The following WWOX variants were observed in gnomAD, a reference collection of about 807,000 sequenced individuals.
WWOX encodes the protein WW domain containing oxidoreductase.
A neutral mutation model predicts 46.2 loss-of-function variants in WWOX; 69 were observed. The ratio of observed to expected loss-of-function variants is 1.49; its 90% CI spans 1.23 to 1.82. The LOEUF (loss-of-function observed/expected upper bound fraction) is 1.82. Ranked by LOEUF, WWOX falls within the 40% of genes most tolerant of loss-of-function variation. WWOX has a pLI of 0.00. For missense variants in WWOX, 919 were observed against 542.6 expected, an observed-to-expected ratio of 1.69 and a Z score of -6.89; for synonymous variants, 359 against 202.6, an observed-to-expected ratio of 1.77 and a Z score of -6.56.
intron 8 of WWOX, among the ~76,000 whole-genome samples, chr16:78,815,669 G>A (rs2051310546): frequency 6.6e-6 from 1 of 152,176 alleles, no homozygotes; most frequent in Non-Finnish European, 1.5e-5. Flanking sequence ...CTTCCCCTGG[G>A]TTTTAATCCT....
intron 8 of WWOX, among the ~76,000 whole-genome samples, chr16:78,831,532 C>T (rs900473821): frequency 6.6e-6 from 1 of 152,144 alleles, no homozygotes; most frequent in Non-Finnish European, 1.5e-5. Context: ...TGCCCATGCC[C>T]GGGTGCACAA....
chr16:78,655,878 G>A (rs1280121528), intron 8 of WWOX, among the ~76,000 whole-genome samples: 2 of 152,148 alleles, frequency 1.3e-5, no homozygotes, highest in Admixed American at 1.3e-4. Flanking sequence ...GTCTGTGTGT[G>A]TTCCTTTTCT....
At chr16:79,137,562 A>G (rs983505910) in intron 8 of WWOX, among the ~76,000 whole-genome samples, 1 of 152,060 alleles carries the variant, frequency 6.6e-6, no homozygotes, top group African/African-American at 2.4e-5. Context: ...GAATTTTTAG[A>G]GAGTGTTTGT....
intron 4 of WWOX, among the ~76,000 whole-genome samples, chr16:78,157,177 A>G (rs1042534137): frequency 2.0e-5 from 3 of 152,130 alleles, no homozygotes; most frequent in African/African-American, 7.2e-5. Flanking sequence ...CATTCCGTCC[A>G]AGATCTTCTG....
At chr16:78,945,823 G>C (rs1010580479) in intron 8 of WWOX, among the ~76,000 whole-genome samples, 1 of 152,066 alleles carries the variant, frequency 6.6e-6, no homozygotes, top group East Asian at 1.9e-4. Context: ...AGTTCGTATG[G>C]GTTGAGCATG....
intron 8 of WWOX, among the ~76,000 whole-genome samples, chr16:78,566,560 T>C (rs1015321588): frequency 6.6e-6 from 1 of 152,154 alleles, no homozygotes; most frequent in Non-Finnish European, 1.5e-5. Context: ...AGGCTGTCTG[T>C]GCTGAGGCTG....
chr16:78,386,282 T>C (rs1025511213), intron 5 of WWOX, among the ~76,000 whole-genome samples: 1 of 152,208 alleles, frequency 6.6e-6, no homozygotes, highest in African/African-American at 2.4e-5. Flanking sequence ...ATCACCAGCA[T>C]GTATTCCACC....
intron 8 of WWOX, among the ~76,000 whole-genome samples, chr16:78,597,355 T>G (rs1328269363): frequency 6.6e-6 from 1 of 152,160 alleles, no homozygotes; most frequent in Admixed American, 6.5e-5. Flanking sequence ...GCACTGCTGA[T>G]TCATTCATTT....
chr16:79,186,075 T>G (rs2051008713), intron 8 of WWOX, among the ~76,000 whole-genome samples: 1 of 151,998 alleles, frequency 6.6e-6, no homozygotes, highest in African/African-American at 2.4e-5. Flanking sequence ...AAAATGATGT[T>G]GGGTGTTTTC....
intron 8 of WWOX, among the ~76,000 whole-genome samples, chr16:78,815,756 G>A (rs915753347): frequency 6.6e-6 from 1 of 152,162 alleles, no homozygotes; most frequent in Non-Finnish European, 1.5e-5. Flanking sequence ...TCTGTCTGAG[G>A]CCAAGGACAG....
At chr16:78,913,660 G>GTT (rs112963247) in intron 8 of WWOX, among the ~76,000 whole-genome samples, 64 of 147,088 alleles carry the variant, frequency 4.4e-4, no homozygotes, top group South Asian at 1.3e-3. Context: ...TACTGCTACA[G>GTT]TTTTTTTTTT....
At chr16:78,995,414 C>A (rs935299110) in intron 8 of WWOX, among the ~76,000 whole-genome samples, 1 of 152,082 alleles carries the variant, frequency 6.6e-6, no homozygotes, top group Non-Finnish European at 1.5e-5. Context: ...GAAAAGAAAG[C>A]CTTCCTTTTT....
chr16:78,398,221 C>G (rs1433998630), intron 6 of WWOX, among the ~76,000 whole-genome samples: 1 of 152,176 alleles, frequency 6.6e-6, no homozygotes, highest in African/African-American at 2.4e-5. Context: ...CTGCAAATAG[C>G]TACACTTCCT....
chr16:78,469,050 G>A (rs1439903168), intron 8 of WWOX, among the ~76,000 whole-genome samples: 1 of 152,162 alleles, frequency 6.6e-6, no homozygotes, highest in Non-Finnish European at 1.5e-5. Flanking sequence ...TGATTTTGTT[G>A]TAACACCTGT....
At chr16:78,366,556 A>G (rs2081540307) in intron 5 of WWOX, among the ~76,000 whole-genome samples, 4 of 152,330 alleles carry the variant, frequency 2.6e-5, no homozygotes, top group Middle Eastern at 3.4e-3. Flanking sequence ...TGGTCAACTA[A>G]CTGTGCCCTT....
At chr16:79,012,535 A>G (rs528537302) in intron 8 of WWOX, among the ~76,000 whole-genome samples, 1 of 152,288 alleles carries the variant, frequency 6.6e-6, no homozygotes, top group South Asian at 2.1e-4. Context: ...GCGCAGACGG[A>G]CATATGAATT....
At chr16:78,644,596 G>A (rs925485252) in intron 8 of WWOX, among the ~76,000 whole-genome samples, 10 of 152,022 alleles carry the variant, frequency 6.6e-5, no homozygotes, top group African/African-American at 2.2e-4. Context: ...CAAGTACCTG[G>A]GATTACAGGA....
intron 8 of WWOX, among the ~76,000 whole-genome samples, chr16:78,464,340 A>C (rs2084023057): frequency 6.8e-6 from 1 of 146,150 alleles, no homozygotes; most frequent in Non-Finnish European, 1.5e-5. Flanking sequence ...GAAGGAAAGA[A>C]GAGAGAGAAG....
chr16:78,192,342 A>G (rs1022361930), intron 5 of WWOX, among the ~76,000 whole-genome samples: 3 of 152,094 alleles, frequency 2.0e-5, no homozygotes. Context: ...TAAAAATTCA[A>G]AAATTAGGCT....
Sources: allele counts gnomAD v4.1 joint callset (sites outside exome capture counted in the v4.1 genomes callset), GRCh38; gene constraint gnomAD v4.1.1; transcripts MANE v1.5; gene names NCBI Gene and HGNC (gene_info 2026-07-23, HGNC 2026-07-21).